Variants in PRMT9 observed in about 807,000 individuals in gnomAD.
The protein encoded by PRMT9 is protein arginine N-methyltransferase 9.
Under a neutral mutation model 83.2 loss-of-function variants are expected in PRMT9, and 59 were observed. That is an observed-to-expected ratio of 0.71 (90% CI 0.57 to 0.88). The LOEUF is 0.88. Ranked by LOEUF, PRMT9 falls within the 40% of genes least tolerant of loss-of-function variation. The pLI is 0.00. For missense variants in PRMT9, 947 were observed against 1,021.9 expected (o/e 0.93, Z 1.00); for synonymous variants, 333 against 353.2 (o/e 0.94, Z 0.64).
intron 9 of PRMT9, among the ~76,000 whole-genome samples, chr4:147,650,412 G>T (rs1734015536): frequency 6.6e-6 from 1 of 151,998 alleles, no homozygotes; most frequent in Non-Finnish European, 1.5e-5. Flanking sequence ...ATTAAGAAAA[G>T]AATCCATTTA....
At chr4:147,660,390 G>T (rs1377590546) in intron 7 of PRMT9, among the ~76,000 whole-genome samples, 3 of 152,154 alleles carry the variant, frequency 2.0e-5, no homozygotes, top group African/African-American at 7.2e-5. Flanking sequence ...TAACACTTGG[G>T]GAGGCCAAGG....
In PRMT9 at chr4:147,638,528, C is replaced by T. The variant is rs1733157035; in HGVS notation, c.*4G>A. On this transcript the variant is annotated 3_prime_UTR_variant, in exon 12 of 12. Coordinates refer to ENST00000322396, the MANE Select transcript of PRMT9 (RefSeq NM_138364.4). The stretch of plus-strand genomic sequence containing the variant: ...TTACACAGTTTTCATTGGAAAACTG[C>T]TCTTCATTGCTTTACTGTGATGCTG... The T allele has an allele frequency of 6.2e-7, 1 of 1,610,800 alleles. No individual in the cohort carries two copies. Among genetic ancestry groups the T allele is most frequent in the African/African-American group, 1.3e-5 (1 of 74,962 alleles).
intron 9 of PRMT9, 66 bp downstream of exon 9, chr4:147,653,786 A>T (rs1734283815): frequency 4.5e-6 from 5 of 1,101,536 alleles, no homozygotes; most frequent in Non-Finnish European, 5.4e-6. Flanking sequence ...AAAGAACTTA[A>T]GGAATTTACA....
rs140873879 is a variant in PRMT9 at position 147,646,037 on chromosome 4, G to A, written c.2046-3097C>T. 6.2e-4 allele frequency among the ~76,000 whole-genome samples: 94 copies of A among 152,206 alleles called. 1 individual carries two copies. Among genetic ancestry groups the A allele is most frequent in the Middle Eastern group, 3.4e-3 (1 of 294 alleles). ...ACTTTTTGTCATAATAGGTAGTCTGGTAGAAATTCAGTCTCCACAGTTAGT... is the reference window on the plus strand; with the variant it reads ...ACTTTTTGTCATAATAGGTAGTCTGATAGAAATTCAGTCTCCACAGTTAGT... On this transcript the variant is annotated intron_variant, in intron 9 of 11. Coordinates refer to ENST00000322396, the MANE Select transcript of PRMT9 (RefSeq NM_138364.4).
At chr4:147,659,294 G>A (rs1400223840) in intron 7 of PRMT9, among the ~76,000 whole-genome samples, 10 of 151,626 alleles carry the variant, frequency 6.6e-5, no homozygotes, top group Non-Finnish European at 1.2e-4. Context: ...CCAGCTACTC[G>A]GGAGGCTGAA....
intron 10 of PRMT9, among the ~76,000 whole-genome samples, chr4:147,642,387 C>T (rs984795035): frequency 4.0e-5 from 6 of 149,454 alleles, no homozygotes; most frequent in Admixed American, 4.0e-4. Context: ...TGCAGGCACG[C>T]ACCACCACAC....
chr4:147,651,020 T>C (rs1020042036), intron 9 of PRMT9, among the ~76,000 whole-genome samples: 2 of 152,012 alleles, frequency 1.3e-5, no homozygotes, highest in African/African-American at 4.8e-5. Flanking sequence ...GAGAATCCCC[T>C]TGAACCCAGG....
intron 4 of PRMT9, among the ~76,000 whole-genome samples, chr4:147,672,490 T>A (rs752573814): frequency 1.3e-5 from 2 of 152,270 alleles, no homozygotes; most frequent in Non-Finnish European, 2.9e-5. Context: ...AAGACTTATA[T>A]GACTTATATT....
intron 6 of PRMT9, among the ~76,000 whole-genome samples, chr4:147,663,009 ATT>A (rs1177200944): frequency 9.2e-5 from 13 of 141,060 alleles, no homozygotes; most frequent in African/African-American, 7.8e-5. Context: ...ACTACTAATA[ATT>A]TTTTTTTTTT....
intron 10 of PRMT9, among the ~76,000 whole-genome samples, chr4:147,640,221 C>T (rs561709891): frequency 1.3e-5 from 2 of 151,768 alleles, no homozygotes; most frequent in African/African-American, 4.8e-5. Flanking sequence ...TACAGGTGCC[C>T]ACCACCACAC....
chr4:147,682,772 T>C (rs1212314124), intron 1 of PRMT9, among the ~76,000 whole-genome samples: 1 of 152,168 alleles, frequency 6.6e-6, no homozygotes, highest in African/African-American at 2.4e-5. Flanking sequence ...CAACATATCA[T>C]CTCCTCCTCA....
At chr4:147,652,576 C>G (rs960746933) in intron 9 of PRMT9, among the ~76,000 whole-genome samples, 8 of 151,936 alleles carry the variant, frequency 5.3e-5, no homozygotes, top group African/African-American at 1.9e-4. Context: ...ACCCTAGCTA[C>G]TCAGGAGGCT....
At chr4:147,673,994 A>G (rs1362572646) in intron 2 of PRMT9, 120 bp from the exon 3 acceptor site, 5 of 791,272 alleles carry the variant, frequency 6.3e-6, no homozygotes, top group South Asian at 4.3e-5. Flanking sequence ...AATCCTGCCA[A>G]TCCAAGTGCT....
chr4:147,652,540 C>T (rs1166336568), intron 9 of PRMT9, among the ~76,000 whole-genome samples: 1 of 151,742 alleles, frequency 6.6e-6, no homozygotes, highest in Non-Finnish European at 1.5e-5. Flanking sequence ...AACCTATGAA[C>T]CTATAAGCAG....
chr4:147,654,329 G>A lies in PRMT9; in HGVS notation c.1568C>T (p.Thr523Ile). The A allele has an allele frequency of 1.2e-6, 2 of 1,614,146 alleles. No individual in the cohort carries two copies. Among genetic ancestry groups the A allele is most frequent in the Non-Finnish European group, 1.7e-6 (2 of 1,180,016 alleles). ...AVEQTCILES[T>I]EIALLNNIPY... ...GATGTTGTTAAGCAAAGCAATTTCT[G>A]TAGATTCCAATATACATGTCTGCTC... is the stretch of plus-strand genomic sequence containing the variant. Residue 523 changes from threonine to isoleucine, a missense_variant, in exon 9 of 12, where the codon ACA becomes ATA. By Grantham distance (89) the Thr-to-Ile change is moderately conservative. Transcript: ENST00000322396.
intron 2 of PRMT9, among the ~76,000 whole-genome samples, chr4:147,678,900 T>C (rs1398962282): frequency 5.3e-5 from 8 of 152,210 alleles, no homozygotes; most frequent in Admixed American, 5.2e-4. Context: ...ATTTACCCTT[T>C]GCAAATTTTG....
At chr4:147,646,781 TA>T (rs1187114779) in intron 9 of PRMT9, among the ~76,000 whole-genome samples, 6 of 152,170 alleles carry the variant, frequency 3.9e-5, no homozygotes, top group Admixed American at 2.6e-4. Context: ...TCAGGTGCTA[TA>T]AAAGCTCAGT....
chr4:147,671,872 A>G, intron 4 of PRMT9: 1 of 456,298 alleles, frequency 2.2e-6, no homozygotes, highest in Non-Finnish European at 4.4e-6. Context: ...TGAAGGCCTT[A>G]ACCCCGAAAC....
At chr4:147,656,704 G>A (rs1017665914) in intron 8 of PRMT9, among the ~76,000 whole-genome samples, 6 of 148,850 alleles carry the variant, frequency 4.0e-5, no homozygotes, top group Admixed American at 2.7e-4. Flanking sequence ...CCCAAGAGGC[G>A]GAGGTTGCAG....
Sources: gnomAD v4.1 joint callset for allele counts (sites outside exome capture counted in the v4.1 genomes callset) on GRCh38, gnomAD v4.1.1 for gene constraint, MANE v1.5 for transcripts, NCBI Gene and HGNC (gene_info 2026-07-23, HGNC 2026-07-21) for gene names.